The following SLC2A2 variants were observed in gnomAD, a reference collection of about 807,000 sequenced individuals.
The protein encoded by SLC2A2 is solute carrier family 2, facilitated glucose transporter member 2.
Under a neutral mutation model 54.5 loss-of-function variants are expected in SLC2A2, and 36 were observed. The ratio of observed to expected loss-of-function variants is 0.66; its 90% CI spans 0.51 to 0.87. The LOEUF (loss-of-function observed/expected upper bound fraction) is 0.87. Ranked by LOEUF, SLC2A2 falls within the 40% of genes least tolerant of loss-of-function variation. SLC2A2 has a pLI of 0.00. For missense variants in SLC2A2, 543 were observed against 624.3 expected (o/e 0.87, Z 1.39); for synonymous variants, 223 against 219.1 (o/e 1.02, Z -0.16).
intron 6 of SLC2A2, 56 bp downstream of exon 6, chr3:171,005,887 C>T (rs1421111819): frequency 1.3e-6 from 2 of 1,520,028 alleles, no homozygotes; most frequent in African/African-American, 1.4e-5. Context: ...CACTGTTTTA[C>T]ATTAGCTGAT....
intron 1 of SLC2A2, among the ~76,000 whole-genome samples, chr3:171,019,245 G>A (rs1716341878): frequency 6.6e-6 from 1 of 151,154 alleles, no homozygotes; most frequent in Non-Finnish European, 1.5e-5. Flanking sequence ...ATATCATTGG[G>A]AGCGGTAAAA....
chr3:171,012,735 G>A (rs1715952033), intron 3 of SLC2A2, among the ~76,000 whole-genome samples: 1 of 152,172 alleles, frequency 6.6e-6, no homozygotes, highest in East Asian at 1.9e-4. Context: ...ATAATTTTAT[G>A]GGGATACTGA....
At chr3:171,009,861 A>T in intron 4 of SLC2A2, 97 bp downstream of exon 4, 1 of 1,489,534 alleles carries the variant, frequency 6.7e-7, no homozygotes, top group South Asian at 1.2e-5. Flanking sequence ...ACTCAAAAAT[A>T]TCCCTGAGTG....
intron 1 of SLC2A2, among the ~76,000 whole-genome samples, chr3:171,023,192 A>G (rs1192593281): frequency 6.6e-6 from 1 of 152,188 alleles, no homozygotes; most frequent in Non-Finnish European, 1.5e-5. Flanking sequence ...ACTCCTCAAG[A>G]TAGAATTTTA....
intron 8 of SLC2A2, among the ~76,000 whole-genome samples, chr3:171,001,354 A>C (rs1715325537): frequency 6.6e-6 from 1 of 152,042 alleles, no homozygotes; most frequent in South Asian, 2.1e-4. Context: ...ACAGGTCTTG[A>C]TTGATTTAGA....
chr3:171,015,001 A>T (rs1201439580), intron 2 of SLC2A2, among the ~76,000 whole-genome samples: 1 of 152,178 alleles, frequency 6.6e-6, no homozygotes, highest in Non-Finnish European at 1.5e-5. Flanking sequence ...ATTTTCTACT[A>T]TTTGGGACTA....
Position 170,996,938 on chromosome 3 carries a change from T to A in SLC2A2, c.*965A>T, listed in dbSNP as rs1715104457. ...TCAACTTATTTTGAGACATAATAAT[T>A]CAGAAAATATTTTTAACAAAGTGAT... On this transcript the variant is annotated 3_prime_UTR_variant, in exon 11 of 11. Transcript: ENST00000314251. The A allele has an allele frequency of 6.3e-6, 2 of 318,036 alleles. No homozygotes were observed. Among genetic ancestry groups the A allele is most frequent in the Non-Finnish European group, 1.1e-5 (2 of 175,680 alleles). 19.7% of individuals were successfully genotyped at this position (318,036 alleles called of 1,614,324 possible). A position where few individuals can be genotyped will look rare whatever the true frequency, so the allele number is the denominator to read the frequency against.
chr3:171,013,860 C>G (rs541158919), intron 3 of SLC2A2, among the ~76,000 whole-genome samples: 12 of 152,354 alleles, frequency 7.9e-5, no homozygotes, highest in African/African-American at 2.6e-4. Flanking sequence ...AGGAGTTCCA[C>G]TGATGTTTTT....
At chr3:171,010,180 A>G in intron 3 of SLC2A2, 98 bp from the exon 4 acceptor site, 7 of 1,250,916 alleles carry the variant, frequency 5.6e-6, no homozygotes, top group Non-Finnish European at 8.1e-6. Flanking sequence ...ACCTAAGAGC[A>G]ATTATTTTAA....
At chr3:170,999,941 T>C (rs1397474773) in intron 8 of SLC2A2, among the ~76,000 whole-genome samples, 1 of 152,104 alleles carries the variant, frequency 6.6e-6, no homozygotes, top group Non-Finnish European at 1.5e-5. Context: ...GAGTTTGTTA[T>C]ACTCTTGCCT....
At chr3:171,005,704 G>A (rs1208273813) in intron 6 of SLC2A2, among the ~76,000 whole-genome samples, 1 of 151,966 alleles carries the variant, frequency 6.6e-6, no homozygotes, top group Non-Finnish European at 1.5e-5. Flanking sequence ...TATATTAGAA[G>A]CATAATGCTG....
intron 7 of SLC2A2, among the ~76,000 whole-genome samples, chr3:171,003,064 C>A (rs893108626): frequency 2.0e-5 from 3 of 151,952 alleles, no homozygotes; most frequent in Non-Finnish European, 4.4e-5. Context: ...TAATTTCCAC[C>A]CCTCCAGAAA....
chr3:171,019,698 G>T (rs1716362823), intron 1 of SLC2A2, among the ~76,000 whole-genome samples: 1 of 152,202 alleles, frequency 6.6e-6, no homozygotes, highest in Non-Finnish European at 1.5e-5. Context: ...CTATGCAGCA[G>T]TTAAAAGGAA....
intron 1 of SLC2A2, among the ~76,000 whole-genome samples, chr3:171,025,849 GT>G (rs199531565): frequency 2.6e-5 from 4 of 151,800 alleles, no homozygotes; most frequent in Non-Finnish European, 4.4e-5. Context: ...ATATTTTTAA[GT>G]TTTTTTTTAA....
chr3:171,021,578 G>C (rs1716469487), intron 1 of SLC2A2, among the ~76,000 whole-genome samples: 1 of 152,198 alleles, frequency 6.6e-6, no homozygotes, highest in Non-Finnish European at 1.5e-5. Flanking sequence ...TTGAGGCCAA[G>C]AGTTCATGAC....
chr3:171,009,117 C>T lies in SLC2A2; in HGVS notation c.496+841G>A, dbSNP rs760600519. On this transcript the variant is annotated intron_variant, in intron 4 of 10. Transcript: ENST00000314251. ...ATGGGTTAAAATCTCAACCTAGCACCGTCAAAATCAGAGCTTCATTGGCAG... is the reference window on the plus strand; with the variant it reads ...ATGGGTTAAAATCTCAACCTAGCACTGTCAAAATCAGAGCTTCATTGGCAG... Among the ~76,000 whole-genome samples, 11 of 152,158 alleles carry T rather than the reference C, an allele frequency of 7.2e-5. No homozygotes were observed. In the South Asian group the frequency reaches 1.0e-3, roughly 14 times the overall value.
chr3:171,014,363 C>A, intron 3 of SLC2A2, 106 bp downstream of exon 3: 1 of 1,295,888 alleles, frequency 7.7e-7, no homozygotes, highest in East Asian at 2.4e-5. Context: ...GAAAAAACAA[C>A]TCTAAAGCTA....
intron 7 of SLC2A2, among the ~76,000 whole-genome samples, chr3:171,003,442 G>C (rs66733022): frequency 3.4e-5 from 5 of 146,176 alleles, no homozygotes; most frequent in South Asian, 2.2e-4. Flanking sequence ...AGTTTTTTTT[G>C]GGGGGGAGGG....
intron 2 of SLC2A2, among the ~76,000 whole-genome samples, chr3:171,017,624 C>T (rs904745813): frequency 6.6e-6 from 1 of 152,158 alleles, no homozygotes; most frequent in African/African-American, 2.4e-5. Flanking sequence ...TTAATTCACC[C>T]CTCTTTATTG....
Sources: allele counts gnomAD v4.1 joint callset (sites outside exome capture counted in the v4.1 genomes callset), GRCh38; gene constraint gnomAD v4.1.1; transcripts MANE v1.5; gene names NCBI Gene and HGNC (gene_info 2026-07-23, HGNC 2026-07-21).